Variants in TMCC2 observed in about 807,000 individuals in gnomAD.
The protein encoded by TMCC2 is transmembrane and coiled-coil domain family 2.
Under a neutral mutation model 49.4 loss-of-function variants are expected in TMCC2, and 16 were observed. The ratio of observed to expected loss-of-function variants is 0.32; its 90% CI spans 0.22 to 0.49. The LOEUF is 0.49. Among genes scored for constraint, TMCC2 ranks in the 20% least tolerant of loss-of-function variants. The pLI is 0.99. For synonymous variants in TMCC2, 397 were observed against 434.1 expected, an observed-to-expected ratio of 0.91 and a Z score of 1.06; for missense variants, 762 against 989.8, an observed-to-expected ratio of 0.77 and a Z score of 3.09.
rs2102624005 is a variant in TMCC2 at position 205,272,948 on chromosome 1, C to G, written c.*824C>G. The G allele has an allele frequency of 6.6e-6, 1 of 152,574 alleles. No homozygotes were observed. 9.5% of individuals were successfully genotyped at this position (152,574 alleles called of 1,614,324 possible). On this transcript the variant is annotated 3_prime_UTR_variant, in exon 5 of 5. Transcript: ENST00000358024. ...CCCCAGTGTCTTCCCTGCTGAGTAC[C>G]AGGAGAGGTCCTGCCCCATCCTCTC...
Position 205,269,417 on chromosome 1 carries a change from C to T in TMCC2, c.1215C>T (p.Gly405=), listed in dbSNP as rs763483401. 43 of 1,605,576 alleles carry T rather than the reference C, an allele frequency of 2.7e-5. No homozygotes were observed. Among genetic ancestry groups the T allele is most frequent in the Admixed American group, 5.0e-5 (3 of 59,770 alleles). ...GCTTTGGGGGCGGCGTGGTGGAGGG[C>T]GTCAAGGGCAGCCTCTCTGGCCTCT... ...ISGFGGGVVE[G]VKGSLSGLSQ... is the part of the protein sequence containing the mutation. The change falls in exon 3 of 5, where the codon GGC becomes GGT. Residue 405 remains glycine (G), a synonymous_variant. Coordinates refer to ENST00000358024, the MANE Select transcript of TMCC2 (RefSeq NM_014858.4).
intron 1 of TMCC2, chr1:205,229,765 G>A (rs1659718563): frequency 1.0e-6 from 1 of 985,378 alleles, no homozygotes; most frequent in African/African-American, 1.7e-5. Context: ...GAAGCCGAAA[G>A]AACTGTTCAC....
In TMCC2 at chr1:205,228,485, T is replaced by C. The variant is rs2102509812; in HGVS notation, c.-80T>C. ...TTAATAATTTAGACCCCAGGCCTCA[T>C]ATGAATATAAGAGGGGGTGCGGTCT... is the stretch of plus-strand genomic sequence containing the variant. On this transcript the variant is annotated 5_prime_UTR_variant, in exon 1 of 5. Coordinates refer to ENST00000358024, the MANE Select transcript of TMCC2 (RefSeq NM_014858.4). 1 of 1,263,076 alleles carries C rather than the reference T, an allele frequency of 7.9e-7. No individual in the cohort carries two copies. The highest frequency in any genetic ancestry group is 1.4e-5 in the South Asian group (1 of 70,316). 78.2% of individuals were successfully genotyped at this position (1,263,076 alleles called of 1,614,324 possible).
At chr1:205,257,816 G>A (rs1468113486) in intron 2 of TMCC2, among the ~76,000 whole-genome samples, 1 of 152,226 alleles carries the variant, frequency 6.6e-6, no homozygotes, top group African/African-American at 2.4e-5. Flanking sequence ...TGGGTACTGA[G>A]AGTTTTTAGG....
At chr1:205,236,088 G>T (rs1261808284) in intron 1 of TMCC2, among the ~76,000 whole-genome samples, 1 of 126,202 alleles carries the variant, frequency 7.9e-6, no homozygotes, top group Non-Finnish European at 1.7e-5. Flanking sequence ...AAAAAAAAAA[G>T]AACAGTTATT....
Position 205,271,999 on chromosome 1 carries a change from A to C in TMCC2, c.2005A>C (p.Thr669Pro), listed in dbSNP as rs750157392. ...VFVSTIANFI[T>P]PLMKTRLRIT... Reference sequence around the variant, plus strand: ...CGTGTCCACCATCGCCAACTTCATCACGCCCCTCATGAAGACACGCCTGCG... The same window carrying C: ...CGTGTCCACCATCGCCAACTTCATCCCGCCCCTCATGAAGACACGCCTGCG... Residue 669 changes from threonine to proline, a missense_variant, in exon 5 of 5, where the codon ACG becomes CCG. Coordinates refer to ENST00000358024, the MANE Select transcript of TMCC2 (RefSeq NM_014858.4). 1.2e-6 allele frequency: 2 copies of C among 1,613,922 alleles called. No individual in the cohort carries two copies. The highest frequency in any genetic ancestry group is 2.2e-5 in the South Asian group (2 of 91,064).
intron 2 of TMCC2, among the ~76,000 whole-genome samples, chr1:205,250,656 C>T (rs1660632498): frequency 6.6e-6 from 1 of 152,190 alleles, no homozygotes; most frequent in African/African-American, 2.4e-5. Context: ...AGTTACCTAG[C>T]CAAGATGTAA....
At position 205,272,340 on chromosome 1, in the gene TMCC2, C is replaced by T. The variant is rs900835074; in HGVS notation, c.*216C>T. On this transcript the variant is annotated 3_prime_UTR_variant, in exon 5 of 5. Coordinates refer to ENST00000358024, the MANE Select transcript of TMCC2 (RefSeq NM_014858.4). ...AATGCAGCCCTACCTGGAGATAGTG[C>T]GGGCACCTGTGGCCAAGTGGAGCAG... The T allele has an allele frequency of 9.4e-6, 9 of 959,380 alleles. No individual in the cohort carries two copies. The highest frequency in any genetic ancestry group is 3.3e-4 in the Middle Eastern group (1 of 3,016). 59.4% of individuals were successfully genotyped at this position (959,380 alleles called of 1,614,324 possible).
At chr1:205,249,052 T>A (rs963255944) in intron 2 of TMCC2, among the ~76,000 whole-genome samples, 29 of 152,146 alleles carry the variant, frequency 1.9e-4, no homozygotes, top group Admixed American at 3.9e-4. Context: ...AGGACTCTTA[T>A]GACAGGCCCC....
intron 2 of TMCC2, among the ~76,000 whole-genome samples, chr1:205,263,113 G>T (rs953788559): frequency 2.0e-5 from 3 of 151,948 alleles, no homozygotes; most frequent in African/African-American, 4.8e-5. Context: ...TCTCTCTCTT[G>T]TTCTGAGGTT....
At chr1:205,249,840 G>A (rs961863884) in intron 2 of TMCC2, among the ~76,000 whole-genome samples, 2 of 152,244 alleles carry the variant, frequency 1.3e-5, no homozygotes, top group South Asian at 2.1e-4. Flanking sequence ...TTTCAAGGCC[G>A]TGCCTGTGCT....
intron 2 of TMCC2, among the ~76,000 whole-genome samples, chr1:205,249,243 G>A (rs1455020175): frequency 6.6e-6 from 1 of 152,186 alleles, no homozygotes; most frequent in Non-Finnish European, 1.5e-5. Context: ...CTAAGCGAGA[G>A]CAGACTCTGA....
chr1:205,272,276 G>C lies in TMCC2; in HGVS notation c.*152G>C, dbSNP rs1326456050. The C allele has an allele frequency of 5.0e-6, 7 of 1,392,708 alleles. No homozygotes were observed. The highest frequency in any genetic ancestry group is 2.5e-5 in the East Asian group (1 of 39,716). The allele number at this position is 1,392,708 out of a possible 1,614,324, so 86.3% of individuals were successfully genotyped here. On this transcript the variant is annotated 3_prime_UTR_variant, in exon 5 of 5. Transcript: ENST00000358024. ...TGCCCCCTTCTCTGTACTTGCTTCT[G>C]TCTGACACCTTCTCCCTGTTGGCCT...
intron 1 of TMCC2, among the ~76,000 whole-genome samples, chr1:205,235,519 G>C (rs1312176849): frequency 6.6e-6 from 1 of 152,130 alleles, no homozygotes; most frequent in Admixed American, 6.5e-5. Context: ...TCAGGAGCTG[G>C]GGAAAAGGGC....
Position 205,266,926 on chromosome 1 carries a change from C to T in TMCC2, c.748-2024C>T, listed in dbSNP as rs545857651. ...AGAGATGGGCTTTTTGCTGTCACTGCAGGGAACAAGGCAGGAAGAAGCAGC... is the reference window on the plus strand; with the variant it reads ...AGAGATGGGCTTTTTGCTGTCACTGTAGGGAACAAGGCAGGAAGAAGCAGC... On this transcript the variant is annotated intron_variant, in intron 2 of 4. Coordinates refer to ENST00000358024, the MANE Select transcript of TMCC2 (RefSeq NM_014858.4). Among the ~76,000 whole-genome samples, 9 of 152,316 alleles carry T rather than the reference C, an allele frequency of 5.9e-5. No individual in the cohort carries two copies. The East Asian group carries it at 1.5e-3, about 26-fold the overall frequency.
chr1:205,271,837 C>T lies in TMCC2; in HGVS notation c.1843C>T (p.Arg615Trp), dbSNP rs745728776. Residue 615 changes from arginine to tryptophan, a missense_variant, in exon 5 of 5, where the codon CGG (arginine) becomes TGG (tryptophan). Arg to Trp is a moderately radical substitution (Grantham distance 101). Transcript: ENST00000358024. ...IQEAVESCLTRVTKLELQQQQ... is the reference protein window; with the variant it reads ...IQEAVESCLTWVTKLELQQQQ... The stretch of plus-strand genomic sequence containing the variant: ...GGAGGCCGTGGAGTCCTGCCTGACC[C>T]GGGTCACCAAGCTGGAGCTGCAGCA... 13 of 1,612,596 alleles carry T rather than the reference C, an allele frequency of 8.1e-6. No individual in the cohort carries two copies. Among genetic ancestry groups the T allele is most frequent in the East Asian group, 4.5e-5 (2 of 44,878 alleles).
intron 2 of TMCC2, among the ~76,000 whole-genome samples, chr1:205,258,714 T>C (rs1660981141): frequency 6.6e-6 from 1 of 152,242 alleles, no homozygotes; most frequent in Non-Finnish European, 1.5e-5. Flanking sequence ...TTTTCCACCC[T>C]GCTCTTGCTG....
chr1:205,265,322 A>G (rs1661278959), intron 2 of TMCC2, among the ~76,000 whole-genome samples: 1 of 152,228 alleles, frequency 6.6e-6, no homozygotes, highest in Admixed American at 6.5e-5. Context: ...TGTAAGCCAG[A>G]AAGATGCCAA....
Position 205,272,181 on chromosome 1 carries a change from G to T in TMCC2, c.*57G>T. 1 of 1,579,578 alleles carries T rather than the reference G, an allele frequency of 6.3e-7. No individual in the cohort carries two copies. Among genetic ancestry groups the T allele is most frequent in the East Asian group, 2.3e-5 (1 of 44,246 alleles). ...GCCCCCAGCTGGCCACACTTCTCCAGGAGGGACCCTTGGACTTCTTTGTGT... is the reference window on the plus strand; with the variant it reads ...GCCCCCAGCTGGCCACACTTCTCCATGAGGGACCCTTGGACTTCTTTGTGT... On this transcript the variant is annotated 3_prime_UTR_variant, in exon 5 of 5. Transcript: ENST00000358024.
Sources: allele counts gnomAD v4.1 joint callset (sites outside exome capture counted in the v4.1 genomes callset), GRCh38; gene constraint gnomAD v4.1.1; transcripts MANE v1.5; gene names NCBI Gene and HGNC (gene_info 2026-07-23, HGNC 2026-07-21).